NHS: variants seen among roughly 807,000 people sequenced by gnomAD.
NHS encodes the protein NHS actin remodeling regulator, also known as actin remodeling regulator NHS.
In NHS, 5 loss-of-function variants were observed where a neutral mutation model predicts 72.5. The ratio of observed to expected loss-of-function variants is 0.07; its 90% CI spans 0.04 to 0.14. The LOEUF is 0.14. Ranked by LOEUF, NHS falls within the 10% of genes least tolerant of loss-of-function variation. The pLI is 1.00. For synonymous variants in NHS, 464 were observed against 547.7 expected (o/e 0.85, Z 2.13); for missense variants, 1,072 against 1,355.7 (o/e 0.79, Z 3.29).
intron 1 of NHS, among the ~76,000 whole-genome samples, chrX:17,620,188 C>G (rs2065766183): frequency 8.9e-6 from 1 of 111,746 alleles, no homozygotes; most frequent in South Asian, 3.8e-4. Flanking sequence ...AGAAGGGAAA[C>G]TGACGTTCAT....
At chrX:17,441,169 A>AT (rs1432466296) in intron 1 of NHS, among the ~76,000 whole-genome samples, 5 of 112,431 alleles carry the variant, frequency 4.4e-5, no homozygotes, top group African/African-American at 1.6e-4. Context: ...GTTGGGGAAG[A>AT]GGGAGCTCCC....
intron 1 of NHS, among the ~76,000 whole-genome samples, chrX:17,538,495 G>C (rs1292042171): frequency 1.8e-5 from 2 of 111,803 alleles, no homozygotes; most frequent in Non-Finnish European, 3.8e-5. Flanking sequence ...ACACACGTCA[G>C]AGTTTCCTGC....
chrX:17,486,354 T>C (rs2064967495), intron 1 of NHS, among the ~76,000 whole-genome samples: 1 of 112,368 alleles, frequency 8.9e-6, no homozygotes, highest in East Asian at 2.8e-4. Flanking sequence ...CAAATAACTC[T>C]AAAATTCAGT....
chrX:17,500,128 A>T (rs1031577879), intron 1 of NHS, among the ~76,000 whole-genome samples: 1 of 112,210 alleles, frequency 8.9e-6, no homozygotes, highest in Non-Finnish European at 1.9e-5. Context: ...CCTGTAAACC[A>T]CTTTGATGTT....
intron 1 of NHS, among the ~76,000 whole-genome samples, chrX:17,506,346 T>G (rs1201404332): frequency 9.1e-6 from 1 of 109,413 alleles, no homozygotes; most frequent in Admixed American, 9.8e-5. Flanking sequence ...CTGACCAACA[T>G]GGCAAAATCC....
intron 1 of NHS, among the ~76,000 whole-genome samples, chrX:17,441,004 C>A (rs1569255126): frequency 8.9e-6 from 1 of 111,953 alleles, no homozygotes; most frequent in Non-Finnish European, 1.9e-5. Flanking sequence ...TCCAAACCCT[C>A]CCAGGAAGGC....
At chrX:17,712,286 T>TACAC (rs1218295851) in intron 3 of NHS, among the ~76,000 whole-genome samples, 3 of 78,423 alleles carry the variant, frequency 3.8e-5, no homozygotes, top group Non-Finnish European at 7.0e-5. Context: ...TATATATATA[T>TACAC]ATATACACAC....
rs776032108 is a variant in NHS at position 17,566,389 on chromosome X, A to G, written c.566-121353A>G. Among the ~76,000 whole-genome samples, 6 of 111,815 alleles carry G rather than the reference A, an allele frequency of 5.4e-5. No individual in the cohort carries two copies. In the East Asian group the frequency reaches 1.1e-3, roughly 21 times the overall value. ...AAACTGTACTTAGCATTCTCACTGT[A>G]GTTAGAACTCACAATTCTTTGTGAT... is the stretch of plus-strand genomic sequence containing the variant. On this transcript the variant is annotated intron_variant, in intron 1 of 8. Transcript: ENST00000676302.
At chrX:17,509,978 T>C (rs1308611062) in intron 1 of NHS, among the ~76,000 whole-genome samples, 2 of 112,368 alleles carry the variant, frequency 1.8e-5, no homozygotes, top group Non-Finnish European at 3.8e-5. Flanking sequence ...AACTTTCTAC[T>C]AACATTTTTT....
At chrX:17,560,470 G>A (rs2065406483) in intron 1 of NHS, among the ~76,000 whole-genome samples, 1 of 112,527 alleles carries the variant, frequency 8.9e-6, no homozygotes, top group African/African-American at 3.2e-5. Context: ...CCCCACTTTG[G>A]GACCTCATAG....
intron 1 of NHS, among the ~76,000 whole-genome samples, chrX:17,684,364 G>A (rs1246145926): frequency 8.9e-6 from 1 of 111,834 alleles, no homozygotes; most frequent in Non-Finnish European, 1.9e-5. Flanking sequence ...CATGGGTCAG[G>A]AGTCTGGGTA....
chrX:17,487,164 G>A (rs1166332692), intron 1 of NHS, among the ~76,000 whole-genome samples: 1 of 112,258 alleles, frequency 8.9e-6, no homozygotes, highest in Non-Finnish European at 1.9e-5. Context: ...ATGGAAGCCA[G>A]GATAGGCTAT....
intron 1 of NHS, among the ~76,000 whole-genome samples, chrX:17,429,613 G>C (rs963818843): frequency 9.0e-6 from 1 of 111,355 alleles, no homozygotes; most frequent in Non-Finnish European, 1.9e-5. Flanking sequence ...ACAGCCGTTG[G>C]AATCCTGTGG....
At chrX:17,501,671 G>A (rs1182073514) in intron 1 of NHS, among the ~76,000 whole-genome samples, 1 of 111,993 alleles carries the variant, frequency 8.9e-6, no homozygotes, top group Non-Finnish European at 1.9e-5. Flanking sequence ...AGGCTGCAGT[G>A]AGCCATGATT....
intron 1 of NHS, among the ~76,000 whole-genome samples, chrX:17,536,891 A>G (rs758832199): frequency 1.2e-4 from 14 of 112,235 alleles, no homozygotes; most frequent in Non-Finnish European, 2.3e-4. Context: ...TTTGAAGACC[A>G]TGCTACCAGG....
In NHS at chrX:17,726,804, C is replaced by T; in HGVS notation, c.2698C>T (p.Arg900Ter). 8.3e-7 allele frequency: 1 copy of T among 1,211,671 alleles called. No individual in the cohort carries two copies. Reference protein sequence around the residue: ...LPLDFANTPSRMENANLPTKQ... With the variant: ...LPLDFANTPS ...TCTTGATTTCGCCAACACGCCTTCTCGAATGGAAAACGCCAATCTTCCCAC... is the reference window on the plus strand; with the variant it reads ...TCTTGATTTCGCCAACACGCCTTCTTGAATGGAAAACGCCAATCTTCCCAC... The change falls in exon 7 of 9, where the codon CGA becomes TGA. Residue 900 changes from arginine (R) to a stop codon, truncating the protein, a stop_gained. Coordinates refer to ENST00000676302, the MANE Select transcript of NHS (RefSeq NM_001291867.2). LOFTEE classifies it high-confidence loss of function.
intron 1 of NHS, among the ~76,000 whole-genome samples, chrX:17,491,627 G>C (rs1333584987): frequency 9.0e-6 from 1 of 110,975 alleles, no homozygotes; most frequent in Non-Finnish European, 1.9e-5. Flanking sequence ...GGATGATGTT[G>C]GCCTCATAAA....
intron 1 of NHS, among the ~76,000 whole-genome samples, chrX:17,438,043 G>A (rs1312783123): frequency 2.7e-5 from 3 of 112,412 alleles, no homozygotes; most frequent in East Asian, 5.6e-4. Context: ...TTTAAAAGAT[G>A]TAGTGACACG....
intron 1 of NHS, among the ~76,000 whole-genome samples, chrX:17,537,479 A>C (rs975988180): frequency 2.7e-5 from 3 of 112,818 alleles, no homozygotes. Context: ...AGATAAGGAC[A>C]GGGTCCTGCC....
Sources: gnomAD v4.1 joint callset for allele counts (sites outside exome capture counted in the v4.1 genomes callset) on GRCh38, gnomAD v4.1.1 for gene constraint, MANE v1.5 for transcripts, NCBI Gene and HGNC (gene_info 2026-07-23, HGNC 2026-07-21) for gene names.